Variants in NF1 observed in about 807,000 individuals in gnomAD.
The protein encoded by NF1 is neurofibromin 1, also known as neurofibromin.
A neutral mutation model predicts 325.7 loss-of-function variants in NF1; 122 were observed. The ratio of observed to expected loss-of-function variants is 0.37; its 90% CI spans 0.32 to 0.44. The LOEUF is 0.44. Among genes scored for constraint, NF1 ranks in the 20% least tolerant of loss-of-function variants. The pLI is 1.00. For missense variants in NF1, 2,140 were observed against 3,415.4 expected (o/e 0.63, Z 9.31); for synonymous variants, 1,091 against 1,186.0 (o/e 0.92, Z 1.65).
In NF1 at chr17:31,209,653, C is replaced by G. The variant is rs141472838; in HGVS notation, c.1392+3282C>G. Among the ~76,000 whole-genome samples, 1,019 of 150,446 alleles carry G rather than the reference C, an allele frequency of 6.8e-3. 17 individuals carry two copies. The highest frequency in any genetic ancestry group is 0.023 in the African/African-American group (954 of 41,050). ...TTAGCTCTCTCTCTTTTTTTTTCTT[C>G]TTGAGACAGAGTCCCACTCCGAGTC... On this transcript the variant is annotated intron_variant, in intron 12 of 57. Transcript: ENST00000358273.
chr17:31,310,598 G>T (rs1477948878), intron 36 of NF1, among the ~76,000 whole-genome samples: 1 of 152,022 alleles, frequency 6.6e-6, no homozygotes, highest in South Asian at 2.1e-4. Context: ...TTCATTTCAG[G>T]CTCTCCTGTC....
rs143939585 is a variant in NF1, at chr17:31,186,310, G to A, written c.888+3645G>A. The stretch of plus-strand genomic sequence containing the variant: ...GGAAGAGAAGACTAGGGCCTGGTTC[G>A]CAGATGGTTCTGCACAATATGCAGG... On this transcript the variant is annotated intron_variant, in intron 8 of 57. Transcript: ENST00000358273. 1.2e-3 allele frequency among the ~76,000 whole-genome samples: 181 copies of A among 152,312 alleles called. 4 individuals carry two copies. In the East Asian group the frequency reaches 0.022, roughly 19 times the overall value.
intron 57 of NF1, among the ~76,000 whole-genome samples, chr17:31,366,600 C>G (rs2070526469): frequency 6.6e-6 from 1 of 152,096 alleles, no homozygotes; most frequent in African/African-American, 2.4e-5. Context: ...TGAAATATCT[C>G]CCTCTTAGCT....
In NF1 at chr17:31,163,347, C is replaced by T. The variant is rs202142624; in HGVS notation, c.450C>T (p.Phe150=). Residue 150 remains phenylalanine (F), a synonymous_variant, in exon 4 of 58, where the codon TTC becomes TTT. Coordinates refer to ENST00000358273, the MANE Select transcript of NF1 (RefSeq NM_001042492.3). ...TATTTTCTCTCAGCTGCAACAACTT[C>T]AATGCAGTCTTTAGTCGCATTTCTA... ...GVLFSLSCNN[F]NAVFSRISTR... The T allele has an allele frequency of 1.2e-6, 2 of 1,614,108 alleles. No homozygotes were observed. The highest frequency in any genetic ancestry group is 4.5e-5 in the East Asian group (2 of 44,876).
chr17:31,326,081 C>T lies in NF1; in HGVS notation c.5097C>T (p.Gly1699=), dbSNP rs2151538457. ...AGTATCATGAGCGGCTGCTGACTGGCCTCAAAGGTAGCAAAAGGCTTGTTT... is the reference window on the plus strand; with the variant it reads ...AGTATCATGAGCGGCTGCTGACTGGTCTCAAAGGTAGCAAAAGGCTTGTTT... ...YTKYHERLLT[G]LKGSKRLVFI... is the part of the protein sequence containing the mutation. The change falls in exon 37 of 58, where the codon GGC becomes GGT. Residue 1699 remains glycine, a synonymous_variant. Transcript: ENST00000358273. The T allele has an allele frequency of 6.2e-7, 1 of 1,613,824 alleles. No homozygotes were observed. Among genetic ancestry groups the T allele is most frequent in the Non-Finnish European group, 8.5e-7 (1 of 1,179,796 alleles).
intron 2 of NF1, among the ~76,000 whole-genome samples, chr17:31,156,983 GAATA>G (rs1214866516): frequency 6.6e-6 from 1 of 151,998 alleles, no homozygotes; most frequent in Non-Finnish European, 1.5e-5. Context: ...ATTTATGAAT[GAATA>G]AATGAATGAA....
chr17:31,119,791 G>A (rs895206203), intron 1 of NF1, among the ~76,000 whole-genome samples: 28 of 152,196 alleles, frequency 1.8e-4, no homozygotes, highest in African/African-American at 6.5e-4. Flanking sequence ...TTTGTATAAG[G>A]TATAACAAAA....
At chr17:31,195,915 A>G (rs2066426754) in intron 8 of NF1, among the ~76,000 whole-genome samples, 1 of 152,108 alleles carries the variant, frequency 6.6e-6, no homozygotes, top group Admixed American at 6.5e-5. Flanking sequence ...AATAACTTCA[A>G]GACCCTGCTT....
intron 48 of NF1, among the ~76,000 whole-genome samples, chr17:31,347,166 T>A (rs2070014983): frequency 6.6e-6 from 1 of 151,364 alleles, no homozygotes; most frequent in African/African-American, 2.4e-5. Flanking sequence ...CCATTTGGAA[T>A]TACTGGACTA....
intron 5 of NF1, among the ~76,000 whole-genome samples, chr17:31,180,074 C>G (rs879447263): frequency 2.0e-4 from 30 of 152,122 alleles, no homozygotes; most frequent in Non-Finnish European, 1.9e-4. Context: ...CCTGAATAGA[C>G]CAATAACAAG....
intron 36 of NF1, among the ~76,000 whole-genome samples, chr17:31,286,320 C>T (rs1400824885): frequency 1.3e-5 from 2 of 152,164 alleles, no homozygotes; most frequent in Non-Finnish European, 2.9e-5. Context: ...GTCTCCAAGT[C>T]CTGACCTCAG....
chr17:31,354,516 C>T (rs1167904553), intron 51 of NF1, among the ~76,000 whole-genome samples: 1 of 152,148 alleles, frequency 6.6e-6, no homozygotes, highest in Non-Finnish European at 1.5e-5. Flanking sequence ...ACACATTCAG[C>T]TGAGGTATTT....
chr17:31,097,816 T>C (rs931416104), intron 1 of NF1, among the ~76,000 whole-genome samples: 6 of 152,206 alleles, frequency 3.9e-5, no homozygotes, highest in Admixed American at 1.3e-4. Flanking sequence ...CCTGCTTCAG[T>C]CTCCCAAGTA....
intron 37 of NF1, 67 bp from the exon 38 acceptor site, chr17:31,327,432 C>A: frequency 7.9e-7 from 1 of 1,273,174 alleles, no homozygotes; most frequent in Non-Finnish European, 1.1e-6. Context: ...GTTTCTGGAG[C>A]CTTTTAGAAT....
chr17:31,135,602 T>A (rs1243457847), intron 1 of NF1, among the ~76,000 whole-genome samples: 6 of 152,208 alleles, frequency 3.9e-5, no homozygotes, highest in Non-Finnish European at 8.8e-5. Context: ...GGTCTTTCTC[T>A]GTTGCCCTAA....
intron 36 of NF1, among the ~76,000 whole-genome samples, chr17:31,288,024 A>G (rs1377475075): frequency 1.3e-5 from 2 of 151,906 alleles, no homozygotes; most frequent in Non-Finnish European, 2.9e-5. Flanking sequence ...TGGCACATGT[A>G]TACATATGTA....
At chr17:31,325,788 A>G (rs1023922526) in intron 36 of NF1, 32 bp from the exon 37 acceptor site, 1 of 1,556,788 alleles carries the variant, frequency 6.4e-7, no homozygotes. Flanking sequence ...AACACTGCTA[A>G]TAATCTTTGT....
At chr17:31,290,696 T>C (rs2068327315) in intron 36 of NF1, among the ~76,000 whole-genome samples, 1 of 152,188 alleles carries the variant, frequency 6.6e-6, no homozygotes, top group Non-Finnish European at 1.5e-5. Context: ...GGCTGATACA[T>C]GTTTCTCTCT....
chr17:31,296,513 A>C (rs913462386), intron 36 of NF1: 1 of 648,112 alleles, frequency 1.5e-6, no homozygotes, highest in Non-Finnish European at 2.8e-6. Flanking sequence ...CAAATGCTTA[A>C]TCCTTCAATT....
Sources: gnomAD v4.1 joint callset for allele counts (sites outside exome capture counted in the v4.1 genomes callset) on GRCh38, gnomAD v4.1.1 for gene constraint, MANE v1.5 for transcripts, NCBI Gene and HGNC (gene_info 2026-07-23, HGNC 2026-07-21) for gene names.